PRKG2: variants seen among roughly 807,000 people sequenced by gnomAD.
PRKG2 encodes the protein cGMP-dependent protein kinase 2.
In PRKG2, 33 loss-of-function variants were observed where a neutral mutation model predicts 97.2. The ratio of observed to expected loss-of-function variants is 0.34; its 90% CI spans 0.26 to 0.45. The LOEUF is 0.45. Among genes scored for constraint, PRKG2 ranks in the 20% least tolerant of loss-of-function variants. PRKG2 has a pLI of 1.00. For missense variants in PRKG2, 638 were observed against 900.0 expected (o/e 0.71, Z 3.73); for synonymous variants, 330 against 321.8 (o/e 1.03, Z -0.27).
At chr4:81,178,623 T>C (rs1440236108) in intron 2 of PRKG2, among the ~76,000 whole-genome samples, 1 of 150,430 alleles carries the variant, frequency 6.6e-6, no homozygotes, top group African/African-American at 2.5e-5. Context: ...CTGATAATAA[T>C]TAGAAACTAA....
chr4:81,153,405 C>T (rs1027858753), intron 7 of PRKG2: 1 of 387,662 alleles, frequency 2.6e-6, no homozygotes. Context: ...AGCTAGGTCT[C>T]TCCCCAAAAA....
chr4:81,098,554 G>C (rs574829068), intron 17 of PRKG2, among the ~76,000 whole-genome samples: 1 of 152,256 alleles, frequency 6.6e-6, no homozygotes, highest in East Asian at 1.9e-4. Flanking sequence ...TAAAGTGAGA[G>C]ACTTGAGACT....
chr4:81,207,823 G>A (rs1404435490), intron 1 of PRKG2, among the ~76,000 whole-genome samples: 1 of 152,114 alleles, frequency 6.6e-6, no homozygotes, highest in Non-Finnish European at 1.5e-5. Context: ...TTCTTACTTA[G>A]TTCATCCATT....
intron 17 of PRKG2, among the ~76,000 whole-genome samples, chr4:81,093,700 G>A (rs1166642506): frequency 2.0e-5 from 3 of 152,050 alleles, no homozygotes; most frequent in African/African-American, 7.3e-5. Context: ...GGGATTAAGA[G>A]GAAGTTCTTT....
chr4:81,113,316 C>A (rs570726956), intron 14 of PRKG2, among the ~76,000 whole-genome samples: 1 of 151,856 alleles, frequency 6.6e-6, no homozygotes, highest in South Asian at 2.1e-4. Context: ...GACACCCTCC[C>A]CTTTTTTTTC....
At position 81,171,826 on chromosome 4, in the gene PRKG2, A is replaced by AAC. The variant is rs745750647; in HGVS notation, c.629-24_629-23dup. The AAC allele has an allele frequency of 8.6e-6, 13 of 1,511,196 alleles. No individual in the cohort carries two copies. In the South Asian group the frequency reaches 1.2e-4, roughly 14 times the overall value. 93.6% of individuals were successfully genotyped at this position (1,511,196 alleles called of 1,614,324 possible). A position where few individuals can be genotyped will look rare whatever the true frequency, so the allele number is the denominator to read the frequency against. ...CCCTCTATCAAGCAGAATTTTAAAA[A>AAC]ACACACACACAAATAATCGAAATCC... On this transcript the variant is annotated intron_variant, in intron 3 of 18. Transcript: ENST00000264399.
chr4:81,143,026 A>C, intron 10 of PRKG2, 79 bp from the exon 11 acceptor site: 1 of 1,441,046 alleles, frequency 6.9e-7, no homozygotes, highest in Non-Finnish European at 9.2e-7. Context: ...TTTCACTCCT[A>C]CGACAGTCTA....
chr4:81,174,736 G>A, intron 3 of PRKG2, 57 bp downstream of exon 3: 4 of 1,490,460 alleles, frequency 2.7e-6, no homozygotes, highest in Non-Finnish European at 3.6e-6. Flanking sequence ...AATGTTTGCA[G>A]AAAATCATAA....
chr4:81,194,837 G>A (rs983920707), intron 2 of PRKG2, among the ~76,000 whole-genome samples: 1 of 152,170 alleles, frequency 6.6e-6, no homozygotes, highest in Non-Finnish European at 1.5e-5. Context: ...TAGTTGAGGA[G>A]TCAGCGGCAG....
chr4:81,110,446 A>T lies in PRKG2; in HGVS notation c.1940+2T>A. On this transcript the variant is annotated splice_donor_variant, in intron 15 of 18. Transcript: ENST00000264399. LOFTEE classifies it high-confidence loss of function. ...GGCTGCATAAAACTTGAAGGTACAT[A>T]CTTGCCCGTTAGGAGCTCATACACT... 6.2e-7 allele frequency: 1 copy of T among 1,611,230 alleles called. No individual in the cohort carries two copies. Among genetic ancestry groups the T allele is most frequent in the Non-Finnish European group, 8.5e-7 (1 of 1,179,154 alleles).
chr4:81,092,040 T>TC (rs1386392537), intron 18 of PRKG2, among the ~76,000 whole-genome samples: 3 of 152,182 alleles, frequency 2.0e-5, no homozygotes, highest in Non-Finnish European at 4.4e-5. Context: ...ACCTTTTTTT[T>TC]CACCTTTTTA....
intron 6 of PRKG2, among the ~76,000 whole-genome samples, chr4:81,161,774 A>G (rs550415920): frequency 1.3e-3 from 198 of 152,252 alleles, no homozygotes; most frequent in Non-Finnish European, 2.3e-3. Flanking sequence ...ACCAGAAATA[A>G]TTCTATGCTC....
intron 4 of PRKG2, among the ~76,000 whole-genome samples, chr4:81,170,272 T>G (rs1310318315): frequency 6.6e-6 from 1 of 152,114 alleles, no homozygotes; most frequent in Non-Finnish European, 1.5e-5. Flanking sequence ...TACTTTTGTG[T>G]AAAATGCCTA....
intron 14 of PRKG2, among the ~76,000 whole-genome samples, chr4:81,125,906 C>G (rs1253808283): frequency 6.6e-6 from 1 of 151,936 alleles, no homozygotes; most frequent in East Asian, 1.9e-4. Flanking sequence ...ACTTTAAGTT[C>G]TGGGATACAT....
At chr4:81,160,093 AAAACTT>A (rs933320389) in intron 6 of PRKG2, among the ~76,000 whole-genome samples, 2 of 152,136 alleles carry the variant, frequency 1.3e-5, no homozygotes, top group Admixed American at 6.5e-5. Flanking sequence ...CATGTACCCT[AAAACTT>A]AAAGTATAAT....
At chr4:81,169,832 T>C in intron 4 of PRKG2, 64 bp from the exon 5 acceptor site, 3 of 1,034,182 alleles carry the variant, frequency 2.9e-6, no homozygotes, top group Non-Finnish European at 2.8e-6. Context: ...TTCCAAAATA[T>C]AAATCGATGG....
In PRKG2 at chr4:81,088,102, T is replaced by C. The variant is rs1156810404; in HGVS notation, c.*1606A>G. 1 of 152,120 alleles carries C rather than the reference T, an allele frequency of 6.6e-6. No homozygotes were observed. Among genetic ancestry groups the C allele is most frequent in the African/African-American group, 2.4e-5 (1 of 41,454 alleles). The allele number at this position is 152,120 out of a possible 1,614,324, so 9.4% of individuals were successfully genotyped here. A position where few individuals can be genotyped will look rare whatever the true frequency, so the allele number is the denominator to read the frequency against. On this transcript the variant is annotated 3_prime_UTR_variant, in exon 19 of 19. Coordinates refer to ENST00000264399, the MANE Select transcript of PRKG2 (RefSeq NM_006259.3). ...GTTATGTCAATCCTATTAAAAATGA[T>C]TATTCTATGTACAATACATAATCTT...
At chr4:81,137,330 CT>C (rs1746808892) in intron 13 of PRKG2, 62 bp downstream of exon 13, 20 of 1,206,118 alleles carry the variant, frequency 1.7e-5, no homozygotes, top group Admixed American at 3.9e-5. Flanking sequence ...TCCTCTATGC[CT>C]TTTTTAATGA....
At chr4:81,094,156 C>G (rs1741883648) in intron 17 of PRKG2, among the ~76,000 whole-genome samples, 1 of 152,004 alleles carries the variant, frequency 6.6e-6, no homozygotes, top group Non-Finnish European at 1.5e-5. Context: ...TTAGTTGTAC[C>G]CTACAAGTAT....
Sources: allele counts gnomAD v4.1 joint callset (sites outside exome capture counted in the v4.1 genomes callset), GRCh38; gene constraint gnomAD v4.1.1; transcripts MANE v1.5; gene names NCBI Gene and HGNC (gene_info 2026-07-23, HGNC 2026-07-21).